NCOA2: variants seen among roughly 807,000 people sequenced by gnomAD.
The protein encoded by NCOA2 is class E basic helix-loop-helix protein 75.
In NCOA2, 21 loss-of-function variants were observed where a neutral mutation model predicts 145.1. That is an observed-to-expected ratio of 0.14 (90% confidence interval 0.10 to 0.21). The LOEUF (loss-of-function observed/expected upper bound fraction) is 0.21. NCOA2 is among the 10% of genes least tolerant of loss of function. The probability of loss-of-function intolerance (pLI) is 1.00; values close to 1 mark genes in which losing one functional copy is unlikely to be tolerated. For missense variants in NCOA2, 1,472 were observed against 1,837.6 expected (o/e 0.80, Z 3.64); for synonymous variants, 619 against 637.5 (o/e 0.97, Z 0.44).
chr8:70,245,369 T>C (rs1411537563), intron 2 of NCOA2: 1 of 152,154 alleles, frequency 6.6e-6, no homozygotes, highest in Non-Finnish European at 1.5e-5. Flanking sequence ...ATTCTATTGC[T>C]TGCTCTAAAA....
chr8:70,420,544 G>C, the NCOA2 span, among the ~76,000 whole-genome samples: 128 of 152,322 alleles, frequency 8.4e-4, 1 homozygote, highest in Admixed American at 1.8e-3. Flanking sequence ...TTGTGGCAAA[G>C]AAGTTCTTTG....
chr8:70,291,433 G>A (rs1826671703), intron 2 of NCOA2, among the ~76,000 whole-genome samples: 1 of 152,062 alleles, frequency 6.6e-6, no homozygotes, highest in Non-Finnish European at 1.5e-5. Flanking sequence ...TTTAAAAAAA[G>A]TTGCTCCCAC....
At chr8:70,256,002 C>A (rs1193356198) in intron 2 of NCOA2, among the ~76,000 whole-genome samples, 1 of 152,182 alleles carries the variant, frequency 6.6e-6, no homozygotes, top group Non-Finnish European at 1.5e-5. Flanking sequence ...AAGATTCAGC[C>A]AAGTCCTCAG....
chr8:70,396,272 C>G (rs1209071976), intron 1 of NCOA2, among the ~76,000 whole-genome samples: 6 of 152,212 alleles, frequency 3.9e-5, no homozygotes, highest in African/African-American at 1.4e-4. Context: ...AGTGCTCTGT[C>G]AATCTATGTT....
intron 4 of NCOA2, among the ~76,000 whole-genome samples, chr8:70,190,538 C>T (rs547726364): frequency 8.1e-4 from 124 of 152,252 alleles, no homozygotes; most frequent in Non-Finnish European, 1.6e-3. Flanking sequence ...AGACGAATTA[C>T]TATAATAAAC....
At chr8:70,338,608 T>C (rs1807845748) in intron 1 of NCOA2, among the ~76,000 whole-genome samples, 1 of 152,178 alleles carries the variant, frequency 6.6e-6, no homozygotes, top group Non-Finnish European at 1.5e-5. Context: ...ATCATCCTGA[T>C]ACCAAAACTT....
chr8:70,196,562 C>T (rs1490127258), intron 4 of NCOA2, among the ~76,000 whole-genome samples: 1 of 152,134 alleles, frequency 6.6e-6, no homozygotes, highest in East Asian at 1.9e-4. Flanking sequence ...TATAATGCCT[C>T]AGAGGCCTTG....
At chr8:70,263,552 G>A (rs183501812) in intron 2 of NCOA2, among the ~76,000 whole-genome samples, 1 of 151,972 alleles carries the variant, frequency 6.6e-6, no homozygotes, top group Admixed American at 6.6e-5. Flanking sequence ...GTTAACCAAG[G>A]GTTAAAAATT....
intron 2 of NCOA2, among the ~76,000 whole-genome samples, chr8:70,258,082 A>T (rs1823796144): frequency 6.6e-6 from 1 of 151,852 alleles, no homozygotes; most frequent in Non-Finnish European, 1.5e-5. Flanking sequence ...TGCTCGGCTA[A>T]TTTTTTATAT....
intron 1 of NCOA2, among the ~76,000 whole-genome samples, chr8:70,376,580 G>A (rs1811688065): frequency 6.6e-6 from 1 of 152,206 alleles, no homozygotes; most frequent in South Asian, 2.1e-4. Flanking sequence ...AGACCAGGGT[G>A]TGAATAGATT....
At chr8:70,340,380 A>C (rs939182981) in intron 1 of NCOA2, among the ~76,000 whole-genome samples, 9 of 152,182 alleles carry the variant, frequency 5.9e-5, no homozygotes, top group African/African-American at 2.2e-4. Context: ...GCAAATCAAA[A>C]CCACAAGGAG....
chr8:70,170,898 T>A (rs1814173745), intron 5 of NCOA2, among the ~76,000 whole-genome samples: 1 of 152,178 alleles, frequency 6.6e-6, no homozygotes, highest in African/African-American at 2.4e-5. Flanking sequence ...ATGAAAAACA[T>A]CACAGATAAT....
intron 11 of NCOA2, among the ~76,000 whole-genome samples, chr8:70,155,382 A>G (rs1812165983): frequency 6.6e-6 from 1 of 152,264 alleles, no homozygotes. Flanking sequence ...AGAAAGGTAA[A>G]TAAGAAATAA....
At chr8:70,331,614 AT>A (rs926576036) in intron 1 of NCOA2, among the ~76,000 whole-genome samples, 4 of 151,884 alleles carry the variant, frequency 2.6e-5, no homozygotes, top group South Asian at 2.1e-4. Flanking sequence ...TTAGATCTAC[AT>A]TTTTTTTCTG....
chr8:70,143,381 A>C (rs942626403), intron 13 of NCOA2, among the ~76,000 whole-genome samples: 1 of 152,210 alleles, frequency 6.6e-6, no homozygotes, highest in Non-Finnish European at 1.5e-5. Flanking sequence ...ACAAGAACTC[A>C]TATCTTCTTG....
At chr8:70,192,302 T>C (rs1238312529) in intron 4 of NCOA2, among the ~76,000 whole-genome samples, 3 of 152,098 alleles carry the variant, frequency 2.0e-5, no homozygotes, top group Admixed American at 2.0e-4. Flanking sequence ...AACCTGAATT[T>C]TGTGCTACAG....
Position 70,259,861 on chromosome 8 carries a change from C to G in NCOA2, c.-20+36883G>C, listed in dbSNP as rs145556642. 2.1e-3 allele frequency among the ~76,000 whole-genome samples: 323 copies of G among 152,326 alleles called. 2 individuals carry two copies. The highest frequency in any genetic ancestry group is 7.1e-3 in the African/African-American group (296 of 41,574). On this transcript the variant is annotated intron_variant, in intron 2 of 22. Coordinates refer to ENST00000452400, the MANE Select transcript of NCOA2 (RefSeq NM_006540.4). Reference sequence around the variant, plus strand: ...ACATAAAAGTCTTATAACTGGGAATCACTATGCCATATGTAAACAGAAATT... The same window carrying G: ...ACATAAAAGTCTTATAACTGGGAATGACTATGCCATATGTAAACAGAAATT...
At chr8:70,130,228 T>G (rs969191623) in intron 16 of NCOA2, among the ~76,000 whole-genome samples, 1 of 152,212 alleles carries the variant, frequency 6.6e-6, no homozygotes, top group African/African-American at 2.4e-5. Context: ...TACGAATAAT[T>G]TGTATTCTAT....
chr8:70,122,645 T>G (rs1807951876), intron 21 of NCOA2, among the ~76,000 whole-genome samples: 1 of 152,242 alleles, frequency 6.6e-6, no homozygotes, highest in African/African-American at 2.4e-5. Context: ...AAGTTATTAC[T>G]ACAAGCACAC....
Sources: gnomAD v4.1 joint callset for allele counts (sites outside exome capture counted in the v4.1 genomes callset) on GRCh38, gnomAD v4.1.1 for gene constraint, MANE v1.5 for transcripts, NCBI Gene and HGNC (gene_info 2026-07-23, HGNC 2026-07-21) for gene names.